Variants in CNTNAP2 observed in about 807,000 individuals in gnomAD.
The protein encoded by CNTNAP2 is contactin associated protein 2.
In CNTNAP2, 98 loss-of-function variants were observed where a neutral mutation model predicts 155.2. The observed-to-expected ratio is 0.63, with a 90% CI of 0.54 to 0.75. The LOEUF (loss-of-function observed/expected upper bound fraction) is 0.75, where lower values mean the gene tolerates loss of function less well. Ranked by LOEUF, CNTNAP2 falls within the 30% of genes least tolerant of loss-of-function variation. The pLI, the probability that CNTNAP2 is intolerant of heterozygous loss-of-function variation, is 0.00. For missense variants in CNTNAP2, 1,727 were observed against 1,688.1 expected, an observed-to-expected ratio of 1.02 and a Z score of -0.40; for synonymous variants, 651 against 631.2, an observed-to-expected ratio of 1.03 and a Z score of -0.47.
Position 147,128,804 on chromosome 7 carries a change from G to C in CNTNAP2, c.1051G>C (p.Ala351Pro). 1 of 1,614,024 alleles carries C rather than the reference G, an allele frequency of 6.2e-7. No homozygotes were observed. Among genetic ancestry groups the C allele is most frequent in the East Asian group, 2.2e-5 (1 of 44,876 alleles). The change falls in exon 7 of 24, where the codon GCC (alanine) becomes CCC (proline). Residue 351 changes from alanine to proline, a missense_variant. Ala to Pro is a conservative substitution (Grantham distance 27). Transcript: ENST00000361727. ...CAATGGCGTCAACATTACTGATCTT[G>C]CCAGAAGGAAGAAATTAGAGCCCTC... is the stretch of plus-strand genomic sequence containing the variant. ...NYNGVNITDL[A>P]RRKKLEPSNV... is the part of the protein sequence containing the mutation.
intron 13 of CNTNAP2, among the ~76,000 whole-genome samples, chr7:147,785,335 C>T (rs1797723472): frequency 6.6e-6 from 1 of 152,100 alleles, no homozygotes; most frequent in Non-Finnish European, 1.5e-5. Flanking sequence ...AAGAGGATGG[C>T]TCAGGAGGGA....
intron 1 of CNTNAP2, among the ~76,000 whole-genome samples, chr7:146,475,013 G>GCGCGCGCACACACACACACA (rs71525954): frequency 2.1e-5 from 3 of 144,304 alleles, no homozygotes; most frequent in African/African-American, 7.9e-5. Flanking sequence ...GCGCGCGCGC[G>GCGCGCGCACACACACACACA]CACACACACA....
At chr7:148,167,943 G>T (rs1003442605) in intron 17 of CNTNAP2, among the ~76,000 whole-genome samples, 2 of 152,140 alleles carry the variant, frequency 1.3e-5, no homozygotes, top group Non-Finnish European at 2.9e-5. Flanking sequence ...TCCATGAATA[G>T]ATCTAAATAT....
At chr7:146,124,011 C>T (rs922356601) in intron 1 of CNTNAP2, among the ~76,000 whole-genome samples, 3 of 152,098 alleles carry the variant, frequency 2.0e-5, no homozygotes, top group African/African-American at 4.8e-5. Flanking sequence ...CAAAACCAAA[C>T]GTTGCATGTT....
chr7:146,904,408 C>A (rs1796073270), intron 3 of CNTNAP2, among the ~76,000 whole-genome samples: 1 of 152,168 alleles, frequency 6.6e-6, no homozygotes, highest in African/African-American at 2.4e-5. Flanking sequence ...CCCTTAGTGT[C>A]TAGAACAATG....
intron 3 of CNTNAP2, among the ~76,000 whole-genome samples, chr7:146,953,517 G>C (rs1269000322): frequency 6.6e-6 from 1 of 151,784 alleles, no homozygotes; most frequent in Non-Finnish European, 1.5e-5. Flanking sequence ...TGGAAACTAG[G>C]GAAAATAACT....
intron 1 of CNTNAP2, among the ~76,000 whole-genome samples, chr7:146,461,436 ATACCT>A (rs1796636048): frequency 6.6e-6 from 1 of 151,612 alleles, no homozygotes; most frequent in Admixed American, 6.6e-5. Context: ...AATAATAATA[ATACCT>A]TAATAAAGCT....
intron 21 of CNTNAP2, among the ~76,000 whole-genome samples, chr7:148,299,997 G>A (rs992709791): frequency 6.6e-6 from 1 of 152,228 alleles, no homozygotes; most frequent in African/African-American, 2.4e-5. Context: ...AATGCTCATA[G>A]TAAGAGGCCT....
Position 147,642,003 on chromosome 7 carries a change from T to TGTGTGC in CNTNAP2, c.2098+2702_2098+2703insCGTGTG, listed in dbSNP as rs1300011622. ...TTCACTTTCACTTATCATAGGTGTG[T>TGTGTGC]GTGTGTGCGTGTGTGTGTGTGTGTG... On this transcript the variant is annotated intron_variant, in intron 13 of 23. Transcript: ENST00000361727. 1.0e-3 allele frequency among the ~76,000 whole-genome samples: 131 copies of TGTGTGC among 129,710 alleles called. 1 individual carries two copies. Among genetic ancestry groups the TGTGTGC allele is most frequent in the African/African-American group, 3.9e-3 (125 of 32,138 alleles). The allele number at this position is 129,710 out of a possible 152,430, so 85.1% of individuals were successfully genotyped here. A position where few individuals can be genotyped will look rare whatever the true frequency, so the allele number is the denominator to read the frequency against.
chr7:147,109,576 A>G (rs1800832855), intron 5 of CNTNAP2, among the ~76,000 whole-genome samples: 1 of 152,172 alleles, frequency 6.6e-6, no homozygotes, highest in Non-Finnish European at 1.5e-5. Flanking sequence ...AAGAAAGTGT[A>G]GTATCACAGA....
At chr7:148,344,513 T>C (rs1419310677) in intron 21 of CNTNAP2, among the ~76,000 whole-genome samples, 1 of 152,202 alleles carries the variant, frequency 6.6e-6, no homozygotes, top group African/African-American at 2.4e-5. Context: ...TCTGCAATGA[T>C]CTTATTCACA....
intron 12 of CNTNAP2, among the ~76,000 whole-genome samples, chr7:147,577,693 A>G (rs1800421157): frequency 6.6e-6 from 1 of 151,624 alleles, no homozygotes; most frequent in Non-Finnish European, 1.5e-5. Context: ...CTCAATAGCT[A>G]CCCCATTTTA....
chr7:147,407,876 G>T (rs1797036235), intron 10 of CNTNAP2, among the ~76,000 whole-genome samples: 1 of 152,196 alleles, frequency 6.6e-6, no homozygotes. Context: ...AGAAAGGCAG[G>T]AACATGCCAG....
chr7:147,594,627 C>G (rs1800795659), intron 12 of CNTNAP2, among the ~76,000 whole-genome samples: 1 of 152,152 alleles, frequency 6.6e-6, no homozygotes, highest in Non-Finnish European at 1.5e-5. Flanking sequence ...AGGTCTGAGT[C>G]TGAGTTCTAT....
chr7:146,159,670 A>G (rs1171328807), intron 1 of CNTNAP2, among the ~76,000 whole-genome samples: 1 of 152,248 alleles, frequency 6.6e-6, no homozygotes, highest in Non-Finnish European at 1.5e-5. Context: ...TAAAGGGATC[A>G]ATTCAACAAG....
intron 1 of CNTNAP2, among the ~76,000 whole-genome samples, chr7:146,534,781 C>CTA (rs917391902): frequency 1.3e-5 from 2 of 151,640 alleles, no homozygotes; most frequent in Non-Finnish European, 2.9e-5. Context: ...TCCTGTCTGT[C>CTA]TATTGCATGC....
chr7:147,996,394 G>C (rs2116887797), intron 15 of CNTNAP2, among the ~76,000 whole-genome samples: 1 of 152,298 alleles, frequency 6.6e-6, no homozygotes, highest in East Asian at 1.9e-4. Flanking sequence ...TTTTTAAGAA[G>C]TTTTCTAGAA....
At chr7:147,424,374 C>G (rs1315694753) in intron 10 of CNTNAP2, among the ~76,000 whole-genome samples, 1 of 152,106 alleles carries the variant, frequency 6.6e-6, no homozygotes, top group Non-Finnish European at 1.5e-5. Flanking sequence ...GTGGAAAATT[C>G]CCAATCCTTA....
chr7:146,506,824 C>A (rs1275095487), intron 1 of CNTNAP2, among the ~76,000 whole-genome samples: 1 of 152,178 alleles, frequency 6.6e-6, no homozygotes, highest in Admixed American at 6.5e-5. Context: ...GGTATCAGTA[C>A]TAGGCTGGAC....
Sources: gnomAD v4.1 joint callset for allele counts (sites outside exome capture counted in the v4.1 genomes callset) on GRCh38, gnomAD v4.1.1 for gene constraint, MANE v1.5 for transcripts, NCBI Gene and HGNC (gene_info 2026-07-23, HGNC 2026-07-21) for gene names.